Variants in TIMP2 observed in about 807,000 individuals in gnomAD.
TIMP2 encodes the protein metalloproteinase inhibitor 2.
TIMP2 carries 5 observed loss-of-function variants against 24.3 expected under a neutral mutation model. The ratio of observed to expected loss-of-function variants is 0.21; its 90% CI spans 0.11 to 0.43. The LOEUF (loss-of-function observed/expected upper bound fraction) is 0.43. Among genes scored for constraint, TIMP2 ranks in the 20% least tolerant of loss-of-function variants. The pLI, the probability that TIMP2 is intolerant of heterozygous loss-of-function variation, is 1.00. For synonymous variants in TIMP2, 130 were observed against 123.2 expected, an observed-to-expected ratio of 1.06 and a Z score of -0.37; for missense variants, 221 against 297.5, an observed-to-expected ratio of 0.74 and a Z score of 1.89.
At position 78,907,536 on chromosome 17, in the gene TIMP2, C is replaced by T. The variant is rs543549580; in HGVS notation, c.130+17423G>A. On this transcript the variant is annotated intron_variant, in intron 1 of 4. Transcript: ENST00000262768. ...TGCCCCAAAACAATTACAACAGTAACGCCAAAGACCACTGATCACAGATCA... is the reference window on the plus strand; with the variant it reads ...TGCCCCAAAACAATTACAACAGTAATGCCAAAGACCACTGATCACAGATCA... 5.3e-5 allele frequency among the ~76,000 whole-genome samples: 8 copies of T among 152,196 alleles called. 1 individual carries two copies. Among genetic ancestry groups the T allele is most frequent in the Admixed American group, 1.3e-4 (2 of 15,290 alleles).
At chr17:78,915,665 G>A (rs1357519129) in intron 1 of TIMP2, among the ~76,000 whole-genome samples, 5 of 151,846 alleles carry the variant, frequency 3.3e-5, no homozygotes, top group Middle Eastern at 3.2e-3. Context: ...GATTACAGGC[G>A]TGCACCACCA....
chr17:78,916,327 C>G (rs189937997), intron 1 of TIMP2, among the ~76,000 whole-genome samples: 2 of 152,290 alleles, frequency 1.3e-5, no homozygotes, highest in East Asian at 3.9e-4. Flanking sequence ...ACTGCTGGCT[C>G]CCTTCCCCCT....
intron 3 of TIMP2, among the ~76,000 whole-genome samples, chr17:78,860,900 G>C (rs1820433522): frequency 6.6e-6 from 1 of 151,970 alleles, no homozygotes; most frequent in African/African-American, 2.4e-5. Context: ...GCTGGGGGTG[G>C]TGGTGCATGC....
At chr17:78,877,611 G>C (rs1200142263) in intron 1 of TIMP2, among the ~76,000 whole-genome samples, 1 of 152,040 alleles carries the variant, frequency 6.6e-6, no homozygotes, top group Non-Finnish European at 1.5e-5. Context: ...GGAATCAACA[G>C]TTCCAGTAGG....
At chr17:78,914,672 C>A (rs879750189) in intron 1 of TIMP2, among the ~76,000 whole-genome samples, 1 of 151,962 alleles carries the variant, frequency 6.6e-6, no homozygotes. Flanking sequence ...AACTCCTGGG[C>A]TCCAGTGATC....
At chr17:78,912,500 G>A (rs1411151935) in intron 1 of TIMP2, among the ~76,000 whole-genome samples, 2 of 152,240 alleles carry the variant, frequency 1.3e-5, no homozygotes, top group Admixed American at 1.3e-4. Flanking sequence ...ACCACAGAAA[G>A]CCAGGCTCCA....
chr17:78,892,538 G>A, intron 1 of TIMP2: 6 of 1,469,160 alleles, frequency 4.1e-6, no homozygotes, highest in Non-Finnish European at 5.4e-6. Context: ...CAAGCACACG[G>A]GATTCTCACT....
intron 1 of TIMP2, among the ~76,000 whole-genome samples, chr17:78,906,841 C>A (rs529130844): frequency 2.0e-5 from 3 of 152,310 alleles, no homozygotes; most frequent in African/African-American, 7.2e-5. Flanking sequence ...CCTCAGCCTC[C>A]CAAAGTGCTG....
chr17:78,921,079 G>C (rs1038815499), intron 1 of TIMP2, among the ~76,000 whole-genome samples: 1 of 152,190 alleles, frequency 6.6e-6, no homozygotes, highest in Non-Finnish European at 1.5e-5. Context: ...CGCATGGAAG[G>C]CCTGACCCAG....
chr17:78,896,738 T>C lies in TIMP2; in HGVS notation c.131-22819A>G, dbSNP rs752555044. Among the ~76,000 whole-genome samples the C allele has an allele frequency of 7.9e-5, 12 of 151,822 alleles. No homozygotes were observed. Among genetic ancestry groups the C allele is most frequent in the Non-Finnish European group, 1.3e-4 (9 of 67,950 alleles). On this transcript the variant is annotated intron_variant, in intron 1 of 4. Coordinates refer to ENST00000262768, the MANE Select transcript of TIMP2 (RefSeq NM_003255.5). The surrounding 1 kb of genome is among the most constrained non-coding windows in gnomAD (Gnocchi z 4.4). Reference sequence around the variant, plus strand: ...CTCGGAGCAGCAGAAGGAAGGCGAGTGGACACCAATCTGGCCTCCGGACGG... The same window carrying C: ...CTCGGAGCAGCAGAAGGAAGGCGAGCGGACACCAATCTGGCCTCCGGACGG...
At chr17:78,901,474 G>A (rs988764316) in intron 1 of TIMP2, among the ~76,000 whole-genome samples, 1 of 152,140 alleles carries the variant, frequency 6.6e-6, no homozygotes, top group Admixed American at 6.5e-5. Flanking sequence ...AGAAGAGGCC[G>A]CAGGCTTGGA....
Position 78,855,745 on chromosome 17 carries a change from C to T in TIMP2, c.585G>A (p.Lys195=). Residue 195 remains lysine, a synonymous_variant, in exon 5 of 5, where the codon AAG becomes AAA. Transcript: ENST00000262768. The surrounding 1 kb of genome is among the most constrained non-coding windows in gnomAD (Gnocchi z 6.0). ...GHQAKFFACI[K]RSDGSCAWYR... ...ACCACGCACAGGAGCCGTCACTTCT[C>T]TTGATGCAGGCGAAGAACTTGGCCT... 1 of 1,614,206 alleles carries T rather than the reference C, an allele frequency of 6.2e-7. No homozygotes were observed. The highest frequency in any genetic ancestry group is 1.1e-5 in the South Asian group (1 of 91,084).
chr17:78,855,516 AAGG>A lies in TIMP2; in HGVS notation c.*148_*150del, dbSNP rs750027188. The stretch of plus-strand genomic sequence containing the variant: ...CCTCCAGACCCACAACCATGTCTAA[AAGG>A]AGAAGGGGGGAGCAGAATCATATTA... On this transcript the variant is annotated 3_prime_UTR_variant, in exon 5 of 5. Transcript: ENST00000262768. This position sits in a 1 kb window ranked among gnomAD's most constrained non-coding sequence, Gnocchi z 6.0. 8.2e-4 allele frequency: 773 copies of A among 945,126 alleles called. No homozygotes were observed. Among genetic ancestry groups the A allele is most frequent in the Non-Finnish European group, 1.1e-3 (730 of 643,238 alleles). 58.5% of individuals were successfully genotyped at this position (945,126 alleles called of 1,614,324 possible).
intron 1 of TIMP2, among the ~76,000 whole-genome samples, chr17:78,903,807 G>A (rs1193258194): frequency 2.6e-5 from 4 of 152,034 alleles, no homozygotes; most frequent in South Asian, 2.1e-4. Context: ...GAGTCTGGCC[G>A]GTGCAGGGGG....
At chr17:78,917,672 G>A (rs1057163902) in intron 1 of TIMP2, among the ~76,000 whole-genome samples, 5 of 152,100 alleles carry the variant, frequency 3.3e-5, no homozygotes, top group South Asian at 2.1e-4. Flanking sequence ...TACCAAGGAC[G>A]TCTTCCCCAT....
chr17:78,884,725 C>T (rs934877888), intron 1 of TIMP2, among the ~76,000 whole-genome samples: 3 of 152,212 alleles, frequency 2.0e-5, no homozygotes, highest in African/African-American at 4.8e-5. Flanking sequence ...GCAGGCTGCA[C>T]CCCAGCCCTC....
Position 78,891,208 on chromosome 17 carries a change from G to C in TIMP2, c.131-17289C>G, listed in dbSNP as rs562811566. 5.8e-6 allele frequency: 9 copies of C among 1,550,596 alleles called. No individual in the cohort carries two copies. Among genetic ancestry groups the C allele is most frequent in the Non-Finnish European group, 4.4e-6 (5 of 1,147,000 alleles). On this transcript the variant is annotated intron_variant, in intron 1 of 4. Coordinates refer to ENST00000262768, the MANE Select transcript of TIMP2 (RefSeq NM_003255.5). This position sits in a 1 kb window ranked among gnomAD's most constrained non-coding sequence, Gnocchi z 4.5. ...GCTTGACCGTGCCCTGATATTTTTG[G>C]TTCTGGGCCTTGCCCATGAACGTTT...
Position 78,925,013 on chromosome 17 carries a change from C to T in TIMP2, c.76G>A (p.Ala26Thr), listed in dbSNP as rs2070338772. 2 of 1,253,602 alleles carry T rather than the reference C, an allele frequency of 1.6e-6. No homozygotes were observed. Among genetic ancestry groups the T allele is most frequent in the Non-Finnish European group, 2.0e-6 (2 of 985,728 alleles). 77.7% of individuals were successfully genotyped at this position (1,253,602 alleles called of 1,614,324 possible). A position where few individuals can be genotyped will look rare whatever the true frequency, so the allele number is the denominator to read the frequency against. ...LLATLLRPAD[A>T]CSCSPVHPQQ... ...GGGTGCACCGGGGAGCAGCTGCAGG[C>T]GTCGGCCGGGCGAAGCAGCGTCGCC... Residue 26 changes from alanine to threonine, a missense_variant, in exon 1 of 5, where the codon GCC becomes ACC. Physicochemically the swap from Ala to Thr is moderately conservative, Grantham distance 58. Coordinates refer to ENST00000262768, the MANE Select transcript of TIMP2 (RefSeq NM_003255.5).
chr17:78,865,911 G>A (rs182382540), intron 3 of TIMP2, among the ~76,000 whole-genome samples: 1 of 152,290 alleles, frequency 6.6e-6, no homozygotes, highest in East Asian at 1.9e-4. Flanking sequence ...CTTCCGCAGC[G>A]CTGCAGTTTG....
Sources: allele counts gnomAD v4.1 joint callset (sites outside exome capture counted in the v4.1 genomes callset), GRCh38; gene constraint gnomAD v4.1.1; non-coding constraint Gnocchi (gnomAD v3.1); transcripts MANE v1.5; gene names NCBI Gene and HGNC (gene_info 2026-07-23, HGNC 2026-07-21).